IFT81: variants seen among roughly 807,000 people sequenced by gnomAD.
The protein encoded by IFT81 is intraflagellar transport protein 81 homolog.
IFT81 carries 72 observed loss-of-function variants against 102.6 expected under a neutral mutation model. The observed-to-expected ratio is 0.70, with a 90% CI of 0.58 to 0.85. IFT81 has a LOEUF of 0.85. Among genes scored for constraint, IFT81 ranks in the 40% least tolerant of loss-of-function variants. IFT81 has a pLI of 0.00. For missense variants in IFT81, 723 were observed against 787.3 expected (o/e 0.92, Z 0.98); for synonymous variants, 237 against 242.7 (o/e 0.98, Z 0.22).
intron 14 of IFT81, among the ~76,000 whole-genome samples, chr12:110,197,583 T>TATATATATAC (rs1250770472): frequency 6.9e-6 from 1 of 144,840 alleles, no homozygotes; most frequent in African/African-American, 2.6e-5. Context: ...TATATATATA[T>TATATATATAC]ACCTCACTTA....
intron 11 of IFT81, among the ~76,000 whole-genome samples, chr12:110,164,963 A>G (rs781213527): frequency 4.6e-5 from 7 of 152,220 alleles, no homozygotes; most frequent in Non-Finnish European, 1.0e-4. Context: ...TTTGGCATAA[A>G]TAGTACTTAC....
At chr12:110,136,954 A>G in intron 8 of IFT81, 94 bp downstream of exon 8, 1 of 724,762 alleles carries the variant, frequency 1.4e-6, no homozygotes, top group African/African-American at 1.8e-5. Flanking sequence ...ATTAGTTATC[A>G]TCAAGTGATG....
chr12:110,201,855 A>G lies in IFT81; in HGVS notation c.1558-2009A>G, dbSNP rs569271737. 3.9e-5 allele frequency among the ~76,000 whole-genome samples: 6 copies of G among 152,238 alleles called. No homozygotes were observed. In the South Asian group the frequency reaches 1.0e-3, roughly 26 times the overall value. On this transcript the variant is annotated intron_variant, in intron 14 of 18. Coordinates refer to ENST00000242591, the MANE Select transcript of IFT81 (RefSeq NM_014055.4). ...CTTCCACCTTGAAACATCTTGTCCCACTGAAAGGTCTTCAAGAGCAATAAC... is the reference window on the plus strand; with the variant it reads ...CTTCCACCTTGAAACATCTTGTCCCGCTGAAAGGTCTTCAAGAGCAATAAC...
At chr12:110,160,630 A>G (rs1025708105) in intron 10 of IFT81, among the ~76,000 whole-genome samples, 5 of 152,206 alleles carry the variant, frequency 3.3e-5, no homozygotes, top group Non-Finnish European at 7.3e-5. Flanking sequence ...ACCCTCACAG[A>G]CACACCCAGA....
At chr12:110,136,389 C>T (rs964412918) in intron 7 of IFT81, among the ~76,000 whole-genome samples, 6 of 152,168 alleles carry the variant, frequency 3.9e-5, no homozygotes, top group Non-Finnish European at 5.9e-5. Context: ...TAAGCTGCAT[C>T]GCCTAAGCCC....
intron 9 of IFT81, among the ~76,000 whole-genome samples, chr12:110,144,915 G>A (rs1895118762): frequency 6.8e-6 from 1 of 147,116 alleles, no homozygotes; most frequent in South Asian, 2.2e-4. Flanking sequence ...GCCCAGGCTG[G>A]AGTGCAGTGG....
chr12:110,159,295 C>T (rs1211030707), intron 10 of IFT81, among the ~76,000 whole-genome samples: 1 of 152,062 alleles, frequency 6.6e-6, no homozygotes, highest in Non-Finnish European at 1.5e-5. Context: ...AAGGTCTCTA[C>T]TAAAAACACA....
At chr12:110,170,912 C>A (rs755445392) in intron 11 of IFT81, among the ~76,000 whole-genome samples, 46 of 152,304 alleles carry the variant, frequency 3.0e-4, no homozygotes, top group Non-Finnish European at 2.8e-4. Context: ...ATTATGAAAT[C>A]TTCTTTAAAT....
intron 7 of IFT81, among the ~76,000 whole-genome samples, chr12:110,135,808 G>A (rs1218199858): frequency 6.6e-6 from 1 of 150,400 alleles, no homozygotes; most frequent in Non-Finnish European, 1.5e-5. Context: ...TGGAGGTTGA[G>A]GTGAGCTGAG....
intron 5 of IFT81, 39 bp downstream of exon 5, chr12:110,132,675 T>A (rs758508146): frequency 2.9e-6 from 3 of 1,030,710 alleles, no homozygotes; most frequent in African/African-American, 3.2e-5. Flanking sequence ...TTTTTGGGAT[T>A]TGAATAATAT....
chr12:110,211,770 G>C (rs1166603307), intron 18 of IFT81, among the ~76,000 whole-genome samples: 1 of 152,070 alleles, frequency 6.6e-6, no homozygotes, highest in Non-Finnish European at 1.5e-5. Flanking sequence ...GCCTCCCAAA[G>C]TGCTGGGATT....
At chr12:110,134,813 A>G in intron 5 of IFT81, 135 bp from the exon 6 acceptor site, 1 of 659,268 alleles carries the variant, frequency 1.5e-6, no homozygotes, top group Non-Finnish European at 2.5e-6. Context: ...ACCTTCATCC[A>G]AAAGAGGATC....
chr12:110,189,793 AAAT>A (rs1897706774), intron 12 of IFT81, among the ~76,000 whole-genome samples: 1 of 152,174 alleles, frequency 6.6e-6, no homozygotes, highest in African/African-American at 2.4e-5. Flanking sequence ...TCCTCTCAAC[AAAT>A]GGAAACTTCA....
At chr12:110,124,974 A>T (rs1192706251) in intron 1 of IFT81, 113 bp downstream of exon 1, 1 of 152,230 alleles carries the variant, frequency 6.6e-6, no homozygotes, top group Non-Finnish European at 1.5e-5. Context: ...CCTGTTCAGT[A>T]CATCTTTGTC....
rs564334181 is a variant in IFT81, at chr12:110,210,832, G to A, written c.1848+1616G>A. Among the ~76,000 whole-genome samples, 10 of 151,776 alleles carry A rather than the reference G, an allele frequency of 6.6e-5. No individual in the cohort carries two copies. The East Asian group carries it at 7.8e-4, about 12-fold the overall frequency. ...CAATAACAATTGGATGTTAACATCC[G>A]ATACCTAGTGTTCAAAATCTTTTTC... On this transcript the variant is annotated intron_variant, in intron 18 of 18. Transcript: ENST00000242591.
chr12:110,174,250 C>G (rs1896931096), intron 11 of IFT81, among the ~76,000 whole-genome samples: 1 of 135,282 alleles, frequency 7.4e-6, no homozygotes, highest in South Asian at 2.4e-4. Flanking sequence ...TGCACTCCAG[C>G]CTGGGCGACA....
chr12:110,192,867 A>C (rs1008344080), intron 14 of IFT81, among the ~76,000 whole-genome samples, 161 bp downstream of exon 14: 12 of 152,220 alleles, frequency 7.9e-5, no homozygotes, highest in Non-Finnish European at 1.5e-4. Context: ...AGAGAATTAA[A>C]ACATGACATA....
chr12:110,130,333 A>G (rs1566100721), intron 4 of IFT81, among the ~76,000 whole-genome samples: 1 of 152,030 alleles, frequency 6.6e-6, no homozygotes, highest in Non-Finnish European at 1.5e-5. Context: ...AATCTGATAA[A>G]AATTAATTTA....
chr12:110,164,389 CA>C (rs568429272), intron 11 of IFT81, among the ~76,000 whole-genome samples: 2,251 of 152,098 alleles, frequency 0.015, 63 homozygotes, highest in African/African-American at 0.052. Context: ...GCTTTTTTAG[CA>C]AAATAAAGCA....
Sources: allele counts gnomAD v4.1 joint callset (sites outside exome capture counted in the v4.1 genomes callset), GRCh38; gene constraint gnomAD v4.1.1; transcripts MANE v1.5; gene names NCBI Gene and HGNC (gene_info 2026-07-23, HGNC 2026-07-21).